Variants in STXBP5 observed in about 807,000 individuals in gnomAD.
STXBP5 encodes the protein syntaxin-binding protein 5.
In STXBP5, 50 loss-of-function variants were observed where a neutral mutation model predicts 152.4. The observed-to-expected ratio is 0.33, with a 90% CI of 0.26 to 0.42. The LOEUF is 0.42. Ranked by LOEUF, STXBP5 falls within the 10% of genes least tolerant of loss-of-function variation. The probability of loss-of-function intolerance (pLI) is 1.00; values close to 1 mark genes in which losing one functional copy is unlikely to be tolerated. For synonymous variants in STXBP5, 492 were observed against 494.7 expected, an observed-to-expected ratio of 0.99 and a Z score of 0.07; for missense variants, 1,167 against 1,388.6, an observed-to-expected ratio of 0.84 and a Z score of 2.54.
intron 2 of STXBP5, among the ~76,000 whole-genome samples, chr6:147,211,323 A>G (rs57208880): frequency 0.019 from 2,948 of 151,992 alleles, 72 homozygotes; most frequent in African/African-American, 0.064. Context: ...AAAAAAAAAA[A>G]AAAGGTTGTG....
intron 25 of STXBP5, among the ~76,000 whole-genome samples, chr6:147,371,519 T>G (rs1042003670): frequency 1.3e-5 from 2 of 152,158 alleles, no homozygotes; most frequent in Admixed American, 6.6e-5. Flanking sequence ...CCTAGTAATG[T>G]TCCTGAGAGG....
chr6:147,303,483 A>G (rs1363139219), intron 9 of STXBP5, among the ~76,000 whole-genome samples: 1 of 152,198 alleles, frequency 6.6e-6, no homozygotes, highest in Non-Finnish European at 1.5e-5. Flanking sequence ...ACTCAGTCTC[A>G]GATATGTCTT....
At chr6:147,224,083 A>G (rs1188754518) in intron 2 of STXBP5, among the ~76,000 whole-genome samples, 2 of 152,222 alleles carry the variant, frequency 1.3e-5, no homozygotes, top group East Asian at 1.9e-4. Flanking sequence ...AGAACGAGCA[A>G]TATAAAAGAC....
At chr6:147,276,015 C>T (rs2128340345) in intron 7 of STXBP5, among the ~76,000 whole-genome samples, 1 of 152,160 alleles carries the variant, frequency 6.6e-6, no homozygotes, top group Middle Eastern at 3.4e-3. Flanking sequence ...TGCTCCTAAC[C>T]CACCTTGCTT....
At chr6:147,358,180 A>T (rs4896906) in intron 22 of STXBP5, among the ~76,000 whole-genome samples, 1 of 151,626 alleles carries the variant, frequency 6.6e-6, no homozygotes, top group African/African-American at 2.4e-5. Context: ...CTAAACTTTT[A>T]TTGATTAAAG....
At chr6:147,369,190 T>G (rs756273714) in intron 25 of STXBP5, among the ~76,000 whole-genome samples, 3 of 152,040 alleles carry the variant, frequency 2.0e-5, no homozygotes, top group Non-Finnish European at 4.4e-5. Context: ...CTGATTTTTT[T>G]AAGGAAGGCG....
intron 4 of STXBP5, among the ~76,000 whole-genome samples, chr6:147,242,860 A>G (rs956813804): frequency 6.6e-6 from 1 of 152,174 alleles, no homozygotes; most frequent in African/African-American, 2.4e-5. Context: ...AATCATACAT[A>G]TAGCATGTAG....
chr6:147,315,991 A>T (rs1442494463), intron 15 of STXBP5, among the ~76,000 whole-genome samples: 1 of 152,204 alleles, frequency 6.6e-6, no homozygotes, highest in South Asian at 2.1e-4. Flanking sequence ...CTAATTTGAT[A>T]TTAACACGAG....
chr6:147,384,850 C>G lies in STXBP5; in HGVS notation c.*95C>G. ...GGAAAGTTAACGTTAAAGGGATGTT[C>G]GTCACTGAATACTGTTCTTTCCTAG... On this transcript the variant is annotated 3_prime_UTR_variant, in exon 28 of 28. Transcript: ENST00000321680. 2 of 1,234,644 alleles carry G rather than the reference C, an allele frequency of 1.6e-6. No homozygotes were observed. Among genetic ancestry groups the G allele is most frequent in the East Asian group, 2.3e-5 (1 of 42,896 alleles). The allele number at this position is 1,234,644 out of a possible 1,614,324, so 76.5% of individuals were successfully genotyped here.
rs572937107 is a variant in STXBP5, at chr6:147,361,449, G to GT, written c.2546-1881dup. Among the ~76,000 whole-genome samples the GT allele has an allele frequency of 3.9e-4, 60 of 152,180 alleles. 1 individual carries two copies. The East Asian group carries it at 5.2e-3, about 13-fold the overall frequency. On this transcript the variant is annotated intron_variant, in intron 23 of 27. Coordinates refer to ENST00000321680, the MANE Select transcript of STXBP5 (RefSeq NM_001127715.4). ...CTCAATGATGGAATCCTTGAGGTTT[G>GT]TTTTTAATAAGATGCCTATTTAAAA...
intron 25 of STXBP5, among the ~76,000 whole-genome samples, chr6:147,372,318 A>C (rs1785578109): frequency 6.6e-6 from 1 of 151,622 alleles, no homozygotes; most frequent in Non-Finnish European, 1.5e-5. Flanking sequence ...AGAAACCCTG[A>C]AAAATACATA....
intron 4 of STXBP5, 96 bp downstream of exon 4, chr6:147,239,366 C>T: frequency 2.9e-6 from 3 of 1,019,936 alleles, no homozygotes; most frequent in Non-Finnish European, 2.9e-6. Flanking sequence ...GGACCTTATG[C>T]ACAATCTAAA....
At chr6:147,295,394 T>G (rs1370787838) in intron 9 of STXBP5, among the ~76,000 whole-genome samples, 1 of 152,206 alleles carries the variant, frequency 6.6e-6, no homozygotes, top group Non-Finnish European at 1.5e-5. Flanking sequence ...AAAGCGAATA[T>G]TGGGTCCTTG....
Position 147,363,431 on chromosome 6 carries a change from A to T in STXBP5, c.2642A>T (p.His881Leu). The change falls in exon 24 of 28, where the codon CAC becomes CTC. Residue 881 changes from histidine to leucine, a missense_variant. By Grantham distance (99) the His-to-Leu change is moderately conservative. Around this residue, in one of 3 missense-constraint regions of STXBP5, gnomAD observed 833 missense variants for 986.3 expected, o/e 0.84. Coordinates refer to ENST00000321680, the MANE Select transcript of STXBP5 (RefSeq NM_001127715.4). ...CCTGCGTATGAACCCTGGAGAGAGC[A>T]CAATGTTCCTGAAGAAAAAGACGAA... ...IPPAYEPWRE[H>L]NVPEEKDEKE... 4 of 1,614,204 alleles carry T rather than the reference A, an allele frequency of 2.5e-6. No individual in the cohort carries two copies. Among genetic ancestry groups the T allele is most frequent in the Non-Finnish European group, 3.4e-6 (4 of 1,180,030 alleles).
chr6:147,287,286 T>C (rs974681687), intron 8 of STXBP5, among the ~76,000 whole-genome samples: 1 of 129,850 alleles, frequency 7.7e-6, no homozygotes, highest in African/African-American at 2.9e-5. Context: ...CACTGCAAGC[T>C]CCGCCTCCCG....
chr6:147,267,233 C>A, intron 7 of STXBP5, 66 bp downstream of exon 7: 1 of 1,364,936 alleles, frequency 7.3e-7, no homozygotes, highest in Non-Finnish European at 1.0e-6. Context: ...TCTCTAAAAA[C>A]TTAATTGGTA....
chr6:147,242,339 C>T (rs118031434), intron 4 of STXBP5, among the ~76,000 whole-genome samples: 7 of 151,792 alleles, frequency 4.6e-5, no homozygotes, highest in Admixed American at 1.3e-4. Flanking sequence ...ATGTTTATGA[C>T]GTAAAGTTTA....
chr6:147,238,936 A>T (rs1434217867), intron 3 of STXBP5, among the ~76,000 whole-genome samples: 1 of 152,196 alleles, frequency 6.6e-6, no homozygotes, highest in South Asian at 2.1e-4. Flanking sequence ...GGCTTATGAG[A>T]TACTAAATTA....
chr6:147,380,251 C>T (rs762560651), intron 26 of STXBP5, among the ~76,000 whole-genome samples: 4 of 151,214 alleles, frequency 2.6e-5, no homozygotes, highest in African/African-American at 7.3e-5. Flanking sequence ...TCAAACATTT[C>T]AGTTTCAAAA....
Sources: allele counts gnomAD v4.1 joint callset (sites outside exome capture counted in the v4.1 genomes callset), GRCh38; gene constraint gnomAD v4.1.1; regional missense constraint gnomAD v4.1.1; transcripts MANE v1.5; gene names NCBI Gene and HGNC (gene_info 2026-07-23, HGNC 2026-07-21).